The following G2E3 variants were observed in gnomAD, a reference collection of about 807,000 sequenced individuals.
G2E3 encodes G2/M-phase specific E3 ubiquitin protein ligase.
A neutral mutation model predicts 92.8 loss-of-function variants in G2E3; 35 were observed. The ratio of observed to expected loss-of-function variants is 0.38; its 90% CI spans 0.29 to 0.50. The LOEUF (loss-of-function observed/expected upper bound fraction) is 0.50, where lower values mean the gene tolerates loss of function less well. Among genes scored for constraint, G2E3 ranks in the 20% least tolerant of loss-of-function variants. The pLI, the probability that G2E3 is intolerant of heterozygous loss-of-function variation, is 0.94. For synonymous variants in G2E3, 242 were observed against 272.4 expected (o/e 0.89, Z 1.10); for missense variants, 554 against 823.8 (o/e 0.67, Z 4.01).
rs1181714523 is a variant in G2E3 at position 30,619,144 on chromosome 14, A to C, written c.*2610A>C. On this transcript the variant is annotated 3_prime_UTR_variant, in exon 15 of 15. Coordinates refer to ENST00000206595, the MANE Select transcript of G2E3 (RefSeq NM_017769.5). The stretch of plus-strand genomic sequence containing the variant: ...TAAAATATCTCACCAGAAACTTACA[A>C]TTTTATACTTTGTAATTTTTAGTTT... The C allele has an allele frequency of 6.6e-6, 1 of 152,108 alleles. No homozygotes were observed. The highest frequency in any genetic ancestry group is 2.1e-4 in the South Asian group (1 of 4,830). The allele number at this position is 152,108 out of a possible 1,614,324, so 9.4% of individuals were successfully genotyped here. A position where few individuals can be genotyped will look rare whatever the true frequency, so the allele number is the denominator to read the frequency against.
chr14:30,581,763 A>G (rs1224137100), intron 2 of G2E3, among the ~76,000 whole-genome samples: 1 of 152,132 alleles, frequency 6.6e-6, no homozygotes, highest in African/African-American at 2.4e-5. Flanking sequence ...GCTCACAACA[A>G]TCTTCCCAAA....
chr14:30,566,480 A>G lies in G2E3; in HGVS notation c.-5+7208A>G, dbSNP rs59660692. 9.0e-3 allele frequency among the ~76,000 whole-genome samples: 1,371 copies of G among 152,300 alleles called. 23 individuals are homozygous for G. The highest frequency in any genetic ancestry group is 0.031 in the African/African-American group (1,274 of 41,554). On this transcript the variant is annotated intron_variant, in intron 1 of 14. Coordinates refer to ENST00000206595, the MANE Select transcript of G2E3 (RefSeq NM_017769.5). ...CACCACCATGGTTAAATTTATTACT[A>G]AGTAATTTTTATGCTATTGTAAATG...
chr14:30,592,796 A>C (rs1881084649), intron 5 of G2E3, among the ~76,000 whole-genome samples: 1 of 152,162 alleles, frequency 6.6e-6, no homozygotes, highest in Admixed American at 6.5e-5. Flanking sequence ...CTTATTCTTC[A>C]CAGGGCTGTA....
intron 1 of G2E3, among the ~76,000 whole-genome samples, chr14:30,562,049 A>G (rs1192080572): frequency 1.3e-5 from 2 of 152,170 alleles, no homozygotes; most frequent in African/African-American, 4.8e-5. Flanking sequence ...TGCTTTATAC[A>G]TATTTTCTCA....
Position 30,612,376 on chromosome 14 carries a change from A to G in G2E3, c.1670A>G (p.Glu557Gly). 1 of 1,559,964 alleles carries G rather than the reference A, an allele frequency of 6.4e-7. No individual in the cohort carries two copies. Among genetic ancestry groups the G allele is most frequent in the Non-Finnish European group, 8.7e-7 (1 of 1,150,394 alleles). The change falls in exon 13 of 15, where the codon GAA becomes GGA. Residue 557 changes from glutamate to glycine, a missense_variant. By Grantham distance (98) the Glu-to-Gly change is moderately conservative. Transcript: ENST00000206595. ...ATTCAGAGAGTCCACACACCCTTTG[A>G]AAGGTAAGTTGTTTCTATTAATATA... ...HVIQRVHTPF[E>G]SFKQGLKTLG... is the part of the protein sequence containing the mutation.
chr14:30,615,631 T>C, intron 14 of G2E3, 92 bp downstream of exon 14: 2 of 752,258 alleles, frequency 2.7e-6, no homozygotes, highest in Non-Finnish European at 4.1e-6. Flanking sequence ...TTTTGCCTTT[T>C]GGTATTAATA....
At chr14:30,584,826 CTTTTT>C (rs11322769) in intron 2 of G2E3, among the ~76,000 whole-genome samples, 4 of 75,390 alleles carry the variant, frequency 5.3e-5, no homozygotes, top group Non-Finnish European at 9.7e-5. Context: ...TGATAGTGTC[CTTTTT>C]TTTTTTTTTT....
intron 8 of G2E3, among the ~76,000 whole-genome samples, chr14:30,600,077 G>C (rs895778252): frequency 1.3e-5 from 2 of 152,288 alleles, no homozygotes; most frequent in Non-Finnish European, 2.9e-5. Flanking sequence ...AACAAATCCA[G>C]TTTACAAAAT....
intron 10 of G2E3, chr14:30,602,815 T>A (rs1419837980): frequency 6.6e-6 from 1 of 152,228 alleles, no homozygotes; most frequent in East Asian, 1.9e-4. Context: ...TCTTGCTATG[T>A]TGCCCAGACT....
rs947993941 is a variant in G2E3, at chr14:30,617,086, T to C, written c.*552T>C. 1 of 152,408 alleles carries C rather than the reference T, an allele frequency of 6.6e-6. No homozygotes were observed. Among genetic ancestry groups the C allele is most frequent in the African/African-American group, 2.4e-5 (1 of 41,442 alleles). The allele number at this position is 152,408 out of a possible 1,614,324, so 9.4% of individuals were successfully genotyped here. A position where few individuals can be genotyped will look rare whatever the true frequency, so the allele number is the denominator to read the frequency against. On this transcript the variant is annotated 3_prime_UTR_variant, in exon 15 of 15. Coordinates refer to ENST00000206595, the MANE Select transcript of G2E3 (RefSeq NM_017769.5). ...GTTTAAAATGTTTTTAGATTACTGA[T>C]TTATATTAAGATGACCCACACTGCA...
chr14:30,586,437 A>C (rs1218896530), intron 2 of G2E3, among the ~76,000 whole-genome samples: 1 of 152,228 alleles, frequency 6.6e-6, no homozygotes, highest in Non-Finnish European at 1.5e-5. Context: ...CAGTTTAATC[A>C]GAGTTTTGTA....
chr14:30,599,439 G>T (rs1881454840), intron 8 of G2E3, among the ~76,000 whole-genome samples: 1 of 152,146 alleles, frequency 6.6e-6, no homozygotes, highest in Non-Finnish European at 1.5e-5. Context: ...ATGTTGGTCA[G>T]CCTGGTCTCA....
At chr14:30,567,815 AGTT>A (rs956608669) in intron 1 of G2E3, among the ~76,000 whole-genome samples, 3 of 151,872 alleles carry the variant, frequency 2.0e-5, no homozygotes, top group African/African-American at 7.3e-5. Context: ...GTCTATTTAA[AGTT>A]GTTATTTAAT....
In G2E3 at chr14:30,608,653, G is replaced by A. The variant is rs547643463; in HGVS notation, c.1500+584G>A. Among the ~76,000 whole-genome samples the A allele has an allele frequency of 2.6e-5, 4 of 152,298 alleles. No individual in the cohort carries two copies. In the South Asian group the frequency reaches 8.3e-4, roughly 32 times the overall value. ...GGGACCTGTACTAAACATGTCACATGTGCAAACACTCATTTATCATAATGC... is the reference window on the plus strand; with the variant it reads ...GGGACCTGTACTAAACATGTCACATATGCAAACACTCATTTATCATAATGC... On this transcript the variant is annotated intron_variant, in intron 12 of 14. Transcript: ENST00000206595.
chr14:30,573,006 A>G (rs1879856935), intron 1 of G2E3, among the ~76,000 whole-genome samples: 1 of 140,930 alleles, frequency 7.1e-6, no homozygotes. Flanking sequence ...TGTTTTATGT[A>G]CTTTTTTTTT....
At position 30,616,730 on chromosome 14, in the gene G2E3, A is replaced by T. The variant is rs1429749234; in HGVS notation, c.*196A>T. 3.4e-5 allele frequency: 15 copies of T among 435,654 alleles called. No homozygotes were observed. In the East Asian group the frequency reaches 6.2e-4, roughly 18 times the overall value. 27.0% of individuals were successfully genotyped at this position (435,654 alleles called of 1,614,324 possible). A position where few individuals can be genotyped will look rare whatever the true frequency, so the allele number is the denominator to read the frequency against. ...TTTTTTTTGTTAAAGCATACTAGTC[A>T]AAATTGGTGATAATTTCTCATTTTC... On this transcript the variant is annotated 3_prime_UTR_variant, in exon 15 of 15. Coordinates refer to ENST00000206595, the MANE Select transcript of G2E3 (RefSeq NM_017769.5).
At chr14:30,589,598 C>G in intron 4 of G2E3, 114 bp downstream of exon 4, 1 of 598,426 alleles carries the variant, frequency 1.7e-6, no homozygotes, top group Admixed American at 2.8e-5. Flanking sequence ...GGTTTCAATG[C>G]ATATTTTGTC....
At chr14:30,576,048 C>T (rs1035591509) in intron 1 of G2E3, among the ~76,000 whole-genome samples, 43 of 152,204 alleles carry the variant, frequency 2.8e-4, no homozygotes, top group African/African-American at 9.6e-4. Context: ...GAAAAAAGAG[C>T]ACAAATAGCC....
chr14:30,560,415 A>C (rs1371842222), intron 1 of G2E3: 1 of 198,422 alleles, frequency 5.0e-6, no homozygotes, highest in Non-Finnish European at 1.0e-5. Context: ...ACATTCCTTC[A>C]TCCAGTGCTG....
Sources: allele counts gnomAD v4.1 joint callset (sites outside exome capture counted in the v4.1 genomes callset), GRCh38; gene constraint gnomAD v4.1.1; transcripts MANE v1.5; gene names NCBI Gene and HGNC (gene_info 2026-07-23, HGNC 2026-07-21).